CTXND1: variants seen among roughly 807,000 people sequenced by gnomAD.
The protein encoded by CTXND1 is cortexin domain containing 1.
intron 1 of CTXND1, among the ~76,000 whole-genome samples, chr15:80,231,011 T>C (rs1280843174): frequency 6.6e-6 from 1 of 151,716 alleles, no homozygotes; most frequent in Non-Finnish European, 1.5e-5. Context: ...TGAGCTGAGA[T>C]GGTGCCACTG....
intron 1 of CTXND1, among the ~76,000 whole-genome samples, chr15:80,213,188 A>G (rs963255360): frequency 7.2e-5 from 11 of 152,224 alleles, no homozygotes; most frequent in African/African-American, 2.7e-4. Flanking sequence ...AGTCTCACAC[A>G]TATCTAATTT....
At chr15:80,242,426 C>A (rs1360389456) in intron 1 of CTXND1, among the ~76,000 whole-genome samples, 1 of 152,248 alleles carries the variant, frequency 6.6e-6, no homozygotes, top group African/African-American at 2.4e-5. Flanking sequence ...CCGTCTGGCG[C>A]CTCCTCAACC....
At chr15:80,205,829 CT>C in intron 1 of CTXND1, among the ~76,000 whole-genome samples, 1 of 152,272 alleles carries the variant, frequency 6.6e-6, no homozygotes, top group Non-Finnish European at 1.5e-5. Context: ...AATAAAAAGC[CT>C]TTTTCCCTGG....
intron 1 of CTXND1, among the ~76,000 whole-genome samples, chr15:80,251,144 C>T (rs1385876861): frequency 6.6e-6 from 1 of 152,216 alleles, no homozygotes; most frequent in Non-Finnish European, 1.5e-5. Context: ...TCCCGAGCCA[C>T]ATCCTGACAG....
intron 1 of CTXND1, among the ~76,000 whole-genome samples, chr15:80,211,662 A>G (rs903007943): frequency 3.9e-5 from 6 of 152,202 alleles, no homozygotes; most frequent in Admixed American, 3.9e-4. Context: ...TCCGATATGT[A>G]AACACCCCCA....
chr15:80,251,693 C>T (rs1160346206), intron 1 of CTXND1, among the ~76,000 whole-genome samples: 2 of 152,180 alleles, frequency 1.3e-5, no homozygotes, highest in Non-Finnish European at 1.5e-5. Context: ...GCCCCGAGCC[C>T]CGCAGTGGAA....
Position 80,202,024 on chromosome 15 carries a change from C to T in CTXND1, c.-65-10G>A, listed in dbSNP as rs530201101. On this transcript the variant is annotated splice_polypyrimidine_tract_variant and intron_variant, in intron 2 of 2. Transcript: ENST00000560778. Reference sequence around the variant, plus strand: ...GTACCATTTTCCACCCCTGCAGAGACAGCCACAGCAGTGGGGAAGGAGGGG... The same window carrying T: ...GTACCATTTTCCACCCCTGCAGAGATAGCCACAGCAGTGGGGAAGGAGGGG... The T allele has an allele frequency of 1.1e-4, 43 of 398,406 alleles. No individual in the cohort carries two copies. Among genetic ancestry groups the T allele is most frequent in the African/African-American group, 6.2e-4 (30 of 48,770 alleles). 24.7% of individuals were successfully genotyped at this position (398,406 alleles called of 1,614,324 possible).
chr15:80,215,367 G>C (rs1893241686), intron 1 of CTXND1, among the ~76,000 whole-genome samples: 1 of 152,162 alleles, frequency 6.6e-6, no homozygotes, highest in African/African-American at 2.4e-5. Context: ...CTCCAATATT[G>C]ACTATTTTGA....
intron 1 of CTXND1, among the ~76,000 whole-genome samples, chr15:80,208,451 G>C (rs1486247406): frequency 6.6e-6 from 1 of 152,214 alleles, no homozygotes; most frequent in Non-Finnish European, 1.5e-5. Flanking sequence ...ATCAAGACCT[G>C]ATCCTGCTTT....
At chr15:80,213,903 T>A (rs996846887) in intron 1 of CTXND1, among the ~76,000 whole-genome samples, 1 of 152,028 alleles carries the variant, frequency 6.6e-6, no homozygotes, top group Admixed American at 6.6e-5. Context: ...TTTCTAGCAA[T>A]AAAAAATTGC....
rs2041434105 is a variant in CTXND1 at position 80,198,845 on chromosome 15, T to C, written c.*2925A>G. 6.6e-6 allele frequency: 1 copy of C among 152,222 alleles called. No individual in the cohort carries two copies. The highest frequency in any genetic ancestry group is 1.5e-5 in the Non-Finnish European group (1 of 68,046). 9.4% of individuals were successfully genotyped at this position (152,222 alleles called of 1,614,324 possible). ...ATAGGAGTCTACATAATTATATATGTGCACTAGATGTCATGTTTTATGGCC... is the reference window on the plus strand; with the variant it reads ...ATAGGAGTCTACATAATTATATATGCGCACTAGATGTCATGTTTTATGGCC... On this transcript the variant is annotated 3_prime_UTR_variant, in exon 3 of 3. Transcript: ENST00000560778.
intron 2 of CTXND1, among the ~76,000 whole-genome samples, chr15:80,203,178 T>G (rs915154264): frequency 3.3e-5 from 5 of 152,182 alleles, no homozygotes; most frequent in Admixed American, 1.3e-4. Context: ...GAGGGCCGGC[T>G]GCTGCTCCCT....
intron 1 of CTXND1, among the ~76,000 whole-genome samples, chr15:80,204,143 T>A (rs767442040): frequency 3.7e-4 from 2 of 5,424 alleles, no homozygotes; most frequent in East Asian, 6.2e-3. Context: ...CAAGACTGTG[T>A]CTCAAAAAAA....
In CTXND1 at chr15:80,200,026, T is replaced by A. The variant is rs529165072; in HGVS notation, c.*1744A>T. 1 of 152,326 alleles carries A rather than the reference T, an allele frequency of 6.6e-6. No individual in the cohort carries two copies. The highest frequency in any genetic ancestry group is 2.4e-5 in the African/African-American group (1 of 41,556). 9.4% of individuals were successfully genotyped at this position (152,326 alleles called of 1,614,324 possible). ...TGGGAAAACTGATGACAAAGGCAAT[T>A]ATGTAAATTGGTAGACGCCATATCC... On this transcript the variant is annotated 3_prime_UTR_variant, in exon 3 of 3. Coordinates refer to ENST00000560778, the MANE Select transcript of CTXND1 (RefSeq NM_001352888.2).
intron 1 of CTXND1, among the ~76,000 whole-genome samples, chr15:80,246,639 T>TC (rs1893633764): frequency 1.5e-5 from 1 of 67,736 alleles, no homozygotes; most frequent in Non-Finnish European, 3.1e-5. Flanking sequence ...ACTGTGGACT[T>TC]TGGGGATTTG....
intron 1 of CTXND1, among the ~76,000 whole-genome samples, chr15:80,230,163 T>C (rs542916918): frequency 5.2e-4 from 79 of 152,344 alleles, no homozygotes; most frequent in South Asian, 4.1e-3. Flanking sequence ...GGTAGGATTG[T>C]GTCAGGTAGA....
chr15:80,221,556 C>G (rs1489773322), intron 1 of CTXND1, among the ~76,000 whole-genome samples: 2 of 152,114 alleles, frequency 1.3e-5, no homozygotes, highest in Non-Finnish European at 2.9e-5. Context: ...GCACTCCAGC[C>G]TGGGCGACAG....
At chr15:80,211,321 G>A (rs1284465706) in intron 1 of CTXND1, among the ~76,000 whole-genome samples, 1 of 152,238 alleles carries the variant, frequency 6.6e-6, no homozygotes, top group African/African-American at 2.4e-5. Context: ...AAGAATCCGA[G>A]TTGACCATGT....
chr15:80,227,129 T>C (rs1893381222), intron 1 of CTXND1, among the ~76,000 whole-genome samples: 1 of 152,224 alleles, frequency 6.6e-6, no homozygotes. Context: ...CCTCTGACTC[T>C]TGAATTCTAG....
Sources: gnomAD v4.1 joint callset for allele counts (sites outside exome capture counted in the v4.1 genomes callset) on GRCh38, gnomAD v4.1.1 for gene constraint, MANE v1.5 for transcripts, NCBI Gene and HGNC (gene_info 2026-07-23, HGNC 2026-07-21) for gene names.